The following AGBL1 variants were observed in gnomAD, a reference collection of about 807,000 sequenced individuals.
AGBL1 encodes the protein cytosolic carboxypeptidase 4.
Under a neutral mutation model 118.9 loss-of-function variants are expected in AGBL1, and 130 were observed. The ratio of observed to expected loss-of-function variants is 1.09; its 90% CI spans 0.95 to 1.26. AGBL1 has a LOEUF of 1.26. AGBL1 is among the 50% of genes most tolerant of loss of function. The pLI is 0.00. For missense variants in AGBL1, 1,584 were observed against 1,298.1 expected, an observed-to-expected ratio of 1.22 and a Z score of -3.38; for synonymous variants, 555 against 478.9, an observed-to-expected ratio of 1.16 and a Z score of -2.08.
At chr15:86,404,725 G>A (rs2081498325) in intron 18 of AGBL1, among the ~76,000 whole-genome samples, 1 of 152,120 alleles carries the variant, frequency 6.6e-6, no homozygotes, top group Non-Finnish European at 1.5e-5. Context: ...TTTCTACATG[G>A]GATTATGCAG....
chr15:86,976,128 T>A (rs1268490355), intron 23 of AGBL1, among the ~76,000 whole-genome samples: 1 of 151,570 alleles, frequency 6.6e-6, no homozygotes, highest in Non-Finnish European at 1.5e-5. Context: ...ATCTATCACA[T>A]AGGCTAAATC....
At chr15:86,310,062 T>G (rs1351570164) in intron 17 of AGBL1, among the ~76,000 whole-genome samples, 1 of 152,174 alleles carries the variant, frequency 6.6e-6, no homozygotes, top group African/African-American at 2.4e-5. Flanking sequence ...ATCCTGAGCT[T>G]TTCTTTGTTG....
At chr15:86,950,199 A>C (rs1730921106) in intron 23 of AGBL1, among the ~76,000 whole-genome samples, 1 of 151,862 alleles carries the variant, frequency 6.6e-6, no homozygotes, top group South Asian at 2.1e-4. Flanking sequence ...ATAAATTCTC[A>C]AAAAACAGTA....
chr15:86,795,033 A>G (rs980571222), intron 22 of AGBL1, among the ~76,000 whole-genome samples: 1 of 152,200 alleles, frequency 6.6e-6, no homozygotes, highest in Non-Finnish European at 1.5e-5. Flanking sequence ...CTGGGGGATA[A>G]TCAATTAAAC....
chr15:87,005,356 T>C (rs2081487129), intron 24 of AGBL1, among the ~76,000 whole-genome samples: 1 of 152,216 alleles, frequency 6.6e-6, no homozygotes, highest in Admixed American at 6.5e-5. Flanking sequence ...TCTTTTCACA[T>C]AGTCCCATAT....
In AGBL1 at chr15:86,562,369, C is replaced by T. The variant is rs903319572; in HGVS notation, c.2994+7832C>T. 3.9e-5 allele frequency among the ~76,000 whole-genome samples: 6 copies of T among 152,084 alleles called. No homozygotes were observed. In the South Asian group the frequency reaches 1.0e-3, roughly 26 times the overall value. On this transcript the variant is annotated intron_variant, in intron 21 of 22. Transcript: ENST00000614907. ...TAGCATGAAGGGCTGTTGAATTTTG[C>T]CAAAGGCCTTTTCTGCATCTATTGA...
intron 22 of AGBL1, among the ~76,000 whole-genome samples, chr15:86,710,647 C>T (rs751949650): frequency 2.6e-5 from 4 of 152,104 alleles, no homozygotes; most frequent in Non-Finnish European, 4.4e-5. Flanking sequence ...TTTTTTAAGT[C>T]GCCTGGCAAC....
At chr15:86,376,142 G>A (rs2081038585) in intron 17 of AGBL1, among the ~76,000 whole-genome samples, 1 of 152,220 alleles carries the variant, frequency 6.6e-6, no homozygotes, top group Non-Finnish European at 1.5e-5. Flanking sequence ...TGACAAGTTA[G>A]AGACTCAATG....
rs181553306 is a variant in AGBL1 at position 86,223,536 on chromosome 15, C to T, written c.489-1378C>T. ...TTTTCAATCCACTGTTGTGAAAACT[C>T]TGTGGGATTCAACAACAGTGGGATT... On this transcript the variant is annotated intron_variant, in intron 5 of 22. Coordinates refer to ENST00000614907, the MANE Select transcript of AGBL1 (RefSeq NM_001386094.1). Among the ~76,000 whole-genome samples, 31 of 152,276 alleles carry T rather than the reference C, an allele frequency of 2.0e-4. No homozygotes were observed. The East Asian group carries it at 5.6e-3, about 28-fold the overall frequency.
chr15:86,691,661 G>A (rs2086174331), intron 22 of AGBL1, among the ~76,000 whole-genome samples: 1 of 152,020 alleles, frequency 6.6e-6, no homozygotes, highest in African/African-American at 2.4e-5. Flanking sequence ...TAAGATCATA[G>A]GCATGAAATC....
At chr15:86,559,704 T>C (rs1046627529) in intron 21 of AGBL1, among the ~76,000 whole-genome samples, 1 of 152,200 alleles carries the variant, frequency 6.6e-6, no homozygotes, top group African/African-American at 2.4e-5. Context: ...ATTCCTATTT[T>C]ACAAATGAGA....
intron 17 of AGBL1, among the ~76,000 whole-genome samples, chr15:86,303,324 A>T (rs567491431): frequency 4.6e-5 from 7 of 152,268 alleles, no homozygotes; most frequent in Non-Finnish European, 8.8e-5. Context: ...TGAGGTTTCA[A>T]AGGAAGATAG....
At chr15:86,267,595 C>A (rs2079094985) in intron 13 of AGBL1, among the ~76,000 whole-genome samples, 2 of 152,122 alleles carry the variant, frequency 1.3e-5, no homozygotes, top group Non-Finnish European at 1.5e-5. Context: ...CAGTACCATG[C>A]CTCTCTAGCA....
chr15:86,090,584 A>G (rs1895956349), intron 1 of AGBL1, among the ~76,000 whole-genome samples: 1 of 152,184 alleles, frequency 6.6e-6, no homozygotes, highest in Admixed American at 6.5e-5. Flanking sequence ...TGATAGTTAT[A>G]TCATTTTTTA....
intron 17 of AGBL1, among the ~76,000 whole-genome samples, chr15:86,369,280 A>G (rs1036141148): frequency 1.3e-5 from 2 of 152,228 alleles, no homozygotes; most frequent in African/African-American, 2.4e-5. Context: ...AGCAATGCCA[A>G]TATGGAAGAC....
chr15:86,096,956 G>A (rs1425800903), intron 1 of AGBL1, among the ~76,000 whole-genome samples: 2 of 152,042 alleles, frequency 1.3e-5, no homozygotes, highest in Admixed American at 1.3e-4. Context: ...GGACATTTAG[G>A]CATTAATAGG....
intron 5 of AGBL1, among the ~76,000 whole-genome samples, chr15:86,167,637 AAC>A (rs1474386273): frequency 6.6e-6 from 1 of 152,200 alleles, no homozygotes; most frequent in Admixed American, 6.5e-5. Context: ...GGGGGAAGAA[AAC>A]ACACTCTGGT....
chr15:86,277,259 G>A (rs1283472813), intron 15 of AGBL1, among the ~76,000 whole-genome samples: 1 of 151,074 alleles, frequency 6.6e-6, no homozygotes. Context: ...ACCAAGCTAT[G>A]GGGGGTAGCA....
At chr15:86,271,741 T>C (rs1262193414) in intron 15 of AGBL1, 35 bp downstream of exon 15, 2 of 1,550,986 alleles carry the variant, frequency 1.3e-6, no homozygotes, top group Non-Finnish European at 1.8e-6. Context: ...CTTTTCTCTG[T>C]CCTGTAATTT....
Sources: gnomAD v4.1 joint callset for allele counts (sites outside exome capture counted in the v4.1 genomes callset) on GRCh38, gnomAD v4.1.1 for gene constraint, MANE v1.5 for transcripts, NCBI Gene and HGNC (gene_info 2026-07-23, HGNC 2026-07-21) for gene names.